The following WDR72 variants were observed in gnomAD, a reference collection of about 807,000 sequenced individuals.
WDR72 encodes WD repeat-containing protein 72.
In WDR72, 120 loss-of-function variants were observed where a neutral mutation model predicts 124.2. The ratio of observed to expected loss-of-function variants is 0.97; its 90% CI spans 0.83 to 1.12. The LOEUF (loss-of-function observed/expected upper bound fraction) is 1.12, where lower values mean the gene tolerates loss of function less well. WDR72 is among the 50% of genes most tolerant of loss of function. The pLI is 0.00. For missense variants in WDR72, 1,387 were observed against 1,278.8 expected, an observed-to-expected ratio of 1.08 and a Z score of -1.29; for synonymous variants, 452 against 441.7, an observed-to-expected ratio of 1.02 and a Z score of -0.29.
At chr15:53,534,462 A>C (rs1440564675) in intron 18 of WDR72, among the ~76,000 whole-genome samples, 1 of 152,134 alleles carries the variant, frequency 6.6e-6, no homozygotes, top group Non-Finnish European at 1.5e-5. Context: ...CCTTATTCTC[A>C]TAAATCATAA....
At chr15:53,653,128 T>C (rs1052442090) in intron 14 of WDR72, among the ~76,000 whole-genome samples, 2 of 152,212 alleles carry the variant, frequency 1.3e-5, no homozygotes, top group African/African-American at 4.8e-5. Context: ...TATATTTTTT[T>C]CTCTTACAAT....
Position 53,712,990 on chromosome 15 carries a change from T to C in WDR72, c.592-99A>G, listed in dbSNP as rs188019594. On this transcript the variant is annotated intron_variant, in intron 6 of 19. Coordinates refer to ENST00000360509, the MANE Select transcript of WDR72 (RefSeq NM_182758.4). ...CGTACATCTCAAGTAGATCACACCA[T>C]TATAAAACGAAAAGTATCTGAGTTA... 2.9e-6 allele frequency: 4 copies of C among 1,358,474 alleles called. No individual in the cohort carries two copies. The East Asian group carries it at 9.6e-5, about 33-fold the overall frequency. 84.2% of individuals were successfully genotyped at this position (1,358,474 alleles called of 1,614,324 possible).
At position 53,712,839 on chromosome 15, in the gene WDR72, C is replaced by A. The variant is rs368334900; in HGVS notation, c.644G>T (p.Cys215Phe). 3.9e-5 allele frequency: 63 copies of A among 1,613,616 alleles called. No homozygotes were observed. Among genetic ancestry groups the A allele is most frequent in the Non-Finnish European group, 5.3e-5 (62 of 1,179,832 alleles). The change falls in exon 7 of 20, where the codon TGC (cysteine) becomes TTC (phenylalanine). Residue 215 changes from cysteine (C) to phenylalanine (F), a missense_variant. Cys to Phe is a radical substitution (Grantham distance 205, BLOSUM62 -2). Transcript: ENST00000360509. Reference sequence around the variant, plus strand: ...ATATGTGCAAAATCGAATTGTCTGGCAGTTCAAGGACTCAAGAAACTTGGA... The same window carrying A: ...ATATGTGCAAAATCGAATTGTCTGGAAGTTCAAGGACTCAAGAAACTTGGA... ...KESKFLESLN[C>F]QTIRFCTYTE...
chr15:53,534,041 A>G (rs1892622110), intron 18 of WDR72, among the ~76,000 whole-genome samples: 1 of 152,166 alleles, frequency 6.6e-6, no homozygotes, highest in African/African-American at 2.4e-5. Flanking sequence ...TGTTATGAGG[A>G]TAACTTTGCC....
intron 2 of WDR72, among the ~76,000 whole-genome samples, chr15:53,731,880 T>A (rs2018212677): frequency 6.6e-6 from 1 of 152,166 alleles, no homozygotes; most frequent in African/African-American, 2.4e-5. Context: ...TAGCAATGCC[T>A]TTATAAATAT....
intron 16 of WDR72, among the ~76,000 whole-genome samples, chr15:53,609,845 C>CACACAT (rs1826314971): frequency 6.5e-5 from 1 of 15,318 alleles, no homozygotes; most frequent in Admixed American, 2.0e-3. Flanking sequence ...TACATTTATA[C>CACACAT]ACACACACAC....
At chr15:53,761,120 T>C (rs146398445), upstream of WDR72, among the ~76,000 whole-genome samples, 283 of 152,146 alleles carry the variant, frequency 1.9e-3, 2 homozygotes, top group African/African-American at 6.6e-3. Context: ...TGGGACTCCA[T>C]CTCTAAATAA....
At chr15:53,608,590 T>G (rs2013391152) in intron 17 of WDR72, among the ~76,000 whole-genome samples, 1 of 151,202 alleles carries the variant, frequency 6.6e-6, no homozygotes, top group African/African-American at 2.4e-5. Context: ...CTCCATCTCT[T>G]TAAAAATACA....
chr15:53,523,068 T>G, intron 19 of WDR72, 150 bp downstream of exon 19: 1 of 764,430 alleles, frequency 1.3e-6, no homozygotes, highest in Non-Finnish European at 2.3e-6. Flanking sequence ...AGCTCCACAC[T>G]GTGACCCCTG....
At chr15:53,572,415 AT>A (rs1894566661) in intron 18 of WDR72, among the ~76,000 whole-genome samples, 1 of 72,140 alleles carries the variant, frequency 1.4e-5, no homozygotes, top group Non-Finnish European at 3.5e-5. Context: ...TGAGATATAT[AT>A]TTTTTTGCCC....
At chr15:53,756,039 T>A (rs2018894766) in intron 1 of WDR72, among the ~76,000 whole-genome samples, 1 of 152,210 alleles carries the variant, frequency 6.6e-6, no homozygotes, top group Admixed American at 6.5e-5. Flanking sequence ...CTCTGTGTTC[T>A]AATCTATACT....
rs753687929 is a variant in WDR72, at chr15:53,665,657, T to G, written c.1877A>C (p.His626Pro). 42 of 1,613,802 alleles carry G rather than the reference T, an allele frequency of 2.6e-5. No individual in the cohort carries two copies. The highest frequency in any genetic ancestry group is 3.5e-5 in the Non-Finnish European group (41 of 1,179,884). ...GGAGGATCTCTGTTCTATACTTTTG[T>G]GCTTAAGTGTCTCTGAGGCAATGGG... ...VLPIASETLK[H>P]KSIEQRSSSP... Residue 626 changes from histidine (H) to proline (P), a missense_variant, in exon 14 of 20, where the codon CAC (histidine) becomes CCC (proline). Transcript: ENST00000360509.
intron 13 of WDR72, among the ~76,000 whole-genome samples, chr15:53,669,612 A>C (rs1309019808): frequency 6.6e-6 from 1 of 152,174 alleles, no homozygotes; most frequent in Non-Finnish European, 1.5e-5. Flanking sequence ...ACTATGACAA[A>C]TCACTTATGA....
intron 13 of WDR72, among the ~76,000 whole-genome samples, chr15:53,688,440 T>A (rs1225492897): frequency 3.3e-5 from 5 of 150,848 alleles, no homozygotes; most frequent in African/African-American, 1.2e-4. Flanking sequence ...GAGAGCCAAA[T>A]CATGAGTGAA....
rs1020143139 is a variant in WDR72, at chr15:53,707,609, G to C, written c.955-1535C>G. 2.0e-5 allele frequency among the ~76,000 whole-genome samples: 3 copies of C among 152,014 alleles called. 1 individual carries two copies. The highest frequency in any genetic ancestry group is 6.3e-3 in the Middle Eastern group (2 of 316). ...CTACAGGCGCCCGCCACCACGCCCG[G>C]CTAATTTTTTGTATTTTTAGTAGAG... On this transcript the variant is annotated intron_variant, in intron 9 of 19. Coordinates refer to ENST00000360509, the MANE Select transcript of WDR72 (RefSeq NM_182758.4).
chr15:53,664,499 T>A (rs1363468394), intron 14 of WDR72, among the ~76,000 whole-genome samples: 2 of 152,142 alleles, frequency 1.3e-5, no homozygotes, highest in East Asian at 3.9e-4. Flanking sequence ...TGGCCTTTCT[T>A]GATGATGACA....
rs1244715075 is a variant in WDR72 at position 53,690,463 on chromosome 15, C to T, written c.1765+9287G>A. On this transcript the variant is annotated intron_variant, in intron 13 of 19. Coordinates refer to ENST00000360509, the MANE Select transcript of WDR72 (RefSeq NM_182758.4). ...ACCCTCCCACAACCACATCTCCTGA[C>T]AACCACCGATCTGCTTTCTGGTTTT... Among the ~76,000 whole-genome samples, 4 of 152,182 alleles carry T rather than the reference C, an allele frequency of 2.6e-5. No individual in the cohort carries two copies. The East Asian group carries it at 7.7e-4, about 29-fold the overall frequency.
intron 12 of WDR72, among the ~76,000 whole-genome samples, chr15:53,701,700 T>G (rs912564433): frequency 1.3e-5 from 2 of 152,150 alleles, no homozygotes; most frequent in African/African-American, 4.8e-5. Context: ...CTCAGCTCAT[T>G]GCAAAATGGA....
At chr15:53,696,292 T>C (rs1451991759) in intron 13 of WDR72, among the ~76,000 whole-genome samples, 1 of 152,184 alleles carries the variant, frequency 6.6e-6, no homozygotes, top group African/African-American at 2.4e-5. Flanking sequence ...AAAAATTGAC[T>C]GGAGTAGGAA....
Sources: allele counts gnomAD v4.1 joint callset (sites outside exome capture counted in the v4.1 genomes callset), GRCh38; gene constraint gnomAD v4.1.1; transcripts MANE v1.5; gene names NCBI Gene and HGNC (gene_info 2026-07-23, HGNC 2026-07-21).